The following ZNF100 variants were observed in gnomAD, a reference collection of about 807,000 sequenced individuals.
The protein encoded by ZNF100 is zinc finger protein 100 (Y1).
A neutral mutation model predicts 15.8 loss-of-function variants in ZNF100; 12 were observed. The ratio of observed to expected loss-of-function variants is 0.76; its 90% CI spans 0.49 to 1.23. The LOEUF (loss-of-function observed/expected upper bound fraction) is 1.23, where lower values mean the gene tolerates loss of function less well. Ranked by LOEUF, ZNF100 falls within the 50% of genes most tolerant of loss-of-function variation. ZNF100 has a pLI of 0.00. For missense variants in ZNF100, 670 were observed against 635.6 expected, an observed-to-expected ratio of 1.05 and a Z score of -0.58; for synonymous variants, 226 against 214.8, an observed-to-expected ratio of 1.05 and a Z score of -0.45.
At chr19:21,749,997 T>G (rs952643847) in intron 2 of ZNF100, among the ~76,000 whole-genome samples, 1 of 151,390 alleles carries the variant, frequency 6.6e-6, no homozygotes, top group African/African-American at 2.4e-5. Flanking sequence ...AAAGGAGAGC[T>G]CCCCTCATAG....
At position 21,744,838 on chromosome 19, in the gene ZNF100, T is replaced by G; in HGVS notation, c.223+103A>C. ...CTCAAGATTTTCTTGAAAAAACGGA[T>G]CAGAAACTCATTTATGCAAAGCATG... On this transcript the variant is annotated intron_variant, in intron 3 of 4. Transcript: ENST00000358296. 3 of 1,539,854 alleles carry G rather than the reference T, an allele frequency of 1.9e-6. No individual in the cohort carries two copies. In the Admixed American group the frequency reaches 6.6e-5, roughly 34 times the overall value.
rs1485287099 is a variant in ZNF100, at chr19:21,726,738, G to A, written c.1574C>T (p.Ser525Phe). 1.2e-6 allele frequency: 2 copies of A among 1,610,816 alleles called. No individual in the cohort carries two copies. The highest frequency in any genetic ancestry group is 2.2e-5 in the East Asian group (1 of 44,654). The change falls in exon 5 of 5, where the codon TCC (serine) becomes TTC (phenylalanine). Residue 525 changes from serine (S) to phenylalanine (F), a missense_variant. Coordinates refer to ENST00000358296, the MANE Select transcript of ZNF100 (RefSeq NM_173531.4). ...WEECGKDFNQ[S>F]LSLIKQNNSY... The stretch of plus-strand genomic sequence containing the variant: ...GTTATTTTGTTTAATAAGGCTTAGG[G>A]ACTGGTTAAAGTCTTTACCACATTC...
intron 2 of ZNF100, chr19:21,746,907 A>G (rs1359940257): frequency 6.6e-6 from 1 of 152,184 alleles, no homozygotes; most frequent in East Asian, 1.9e-4. Context: ...AGTAACATCT[A>G]CATCTTGAGA....
Position 21,744,021 on chromosome 19 carries a change from G to T in ZNF100, c.318C>A (p.Pro106=), listed in dbSNP as rs781657632. 25 of 1,609,850 alleles carry T rather than the reference G, an allele frequency of 1.6e-5. No individual in the cohort carries two copies. In the South Asian group the frequency reaches 2.1e-4, roughly 14 times the overall value. The change falls in exon 4 of 5, where the codon CCC becomes CCA. Residue 106 remains proline (P), a synonymous_variant. Coordinates refer to ENST00000358296, the MANE Select transcript of ZNF100 (RefSeq NM_173531.4). ...NIKRHEMVAK[P]PVICSHFPQD... ...GTTGTGTTCACTCTCACCTACCTGGGGGTTTGGCTACCATCTCATGTCTCT... is the reference window on the plus strand; with the variant it reads ...GTTGTGTTCACTCTCACCTACCTGGTGGTTTGGCTACCATCTCATGTCTCT...
At position 21,744,041 on chromosome 19, in the gene ZNF100, GTC is replaced by G; in HGVS notation, c.296_297del (p.Arg99ThrfsTer2). ...CCTGGGGGTTTGGCTACCATCTCAT[GTC>G]TCTTTATATTCCAGGGCTCTTTTCC... ...EQGKEPWNIK[R>X]HEMVAKPPVI... On this transcript the variant is annotated frameshift_variant, in exon 4 of 5. Transcript: ENST00000358296. LOFTEE classifies it low-confidence loss of function (END_TRUNC). The G allele has an allele frequency of 6.2e-7, 1 of 1,612,656 alleles. No homozygotes were observed. Among genetic ancestry groups the G allele is most frequent in the Middle Eastern group, 1.7e-4 (1 of 6,060 alleles).
intron 2 of ZNF100, among the ~76,000 whole-genome samples, chr19:21,747,676 T>C (rs1568304277): frequency 6.6e-6 from 1 of 152,178 alleles, no homozygotes; most frequent in Non-Finnish European, 1.5e-5. Flanking sequence ...CCACACTCCA[T>C]CCTGAAGTTT....
rs1339499541 is a variant in ZNF100 at position 21,724,602 on chromosome 19, T to A, written c.*2081A>T. 6.6e-6 allele frequency: 1 copy of A among 152,158 alleles called. No individual in the cohort carries two copies. The highest frequency in any genetic ancestry group is 1.5e-5 in the Non-Finnish European group (1 of 68,018). The allele number at this position is 152,158 out of a possible 1,614,324, so 9.4% of individuals were successfully genotyped here. On this transcript the variant is annotated 3_prime_UTR_variant, in exon 5 of 5. Coordinates refer to ENST00000358296, the MANE Select transcript of ZNF100 (RefSeq NM_173531.4). ...ACTAAAAGTATAAAACTGGGTTGCTTGTAATACAAAGGATAAATACTAGAG... is the reference window on the plus strand; with the variant it reads ...ACTAAAAGTATAAAACTGGGTTGCTAGTAATACAAAGGATAAATACTAGAG...
intron 2 of ZNF100, among the ~76,000 whole-genome samples, chr19:21,754,531 T>C (rs971479101): frequency 6.6e-6 from 1 of 151,954 alleles, no homozygotes; most frequent in African/African-American, 2.4e-5. Flanking sequence ...ACAAAAGCAA[T>C]GGGGAAATGA....
rs1354090281 is a variant in ZNF100 at position 21,765,790 on chromosome 19, C to T, written c.4-4G>A. 3 of 1,603,458 alleles carry T rather than the reference C, an allele frequency of 1.9e-6. No homozygotes were observed. The highest frequency in any genetic ancestry group is 1.6e-4 in the Middle Eastern group (1 of 6,082). ...ACATTCCATACCTCGGGTCATCCTA[C>T]GGGAGAAAATAAACCAGAAGCTGAC... On this transcript the variant is annotated splice_polypyrimidine_tract_variant and splice_region_variant and intron_variant, in intron 1 of 4. Transcript: ENST00000358296.
At position 21,726,711 on chromosome 19, in the gene ZNF100, G is replaced by C. The variant is rs764668993; in HGVS notation, c.1601C>G (p.Ser534Ter). Residue 534 changes from serine to a stop codon, truncating the protein, a stop_gained, in exon 5 of 5, where the codon TCA (serine) becomes TGA (stop). Coordinates refer to ENST00000358296, the MANE Select transcript of ZNF100 (RefSeq NM_173531.4). LOFTEE classifies it high-confidence loss of function. ...CATTTGTAGGGTTTCTCTCCAGTAT[G>C]AGTTATTTTGTTTAATAAGGCTTAG... ...QSLSLIKQNN[S>*]YWRETLQM The C allele has an allele frequency of 1.9e-6, 3 of 1,609,850 alleles. No individual in the cohort carries two copies. Among genetic ancestry groups the C allele is most frequent in the South Asian group, 1.1e-5 (1 of 90,398 alleles).
intron 2 of ZNF100, among the ~76,000 whole-genome samples, chr19:21,749,154 G>A (rs2036260871): frequency 6.6e-6 from 1 of 152,084 alleles, no homozygotes; most frequent in South Asian, 2.1e-4. Flanking sequence ...TTTTTTGAAT[G>A]ACCTTATGAA....
intron 4 of ZNF100, among the ~76,000 whole-genome samples, chr19:21,731,302 C>CTTTTTTTT (rs1052854047): frequency 3.6e-5 from 5 of 139,616 alleles, no homozygotes; most frequent in South Asian, 2.4e-4. Context: ...TTTTTCTTTC[C>CTTTTTTTT]TTTTTTTTTT....
intron 4 of ZNF100, among the ~76,000 whole-genome samples, chr19:21,743,656 CAT>C (rs1297562085): frequency 1.3e-5 from 2 of 151,994 alleles, no homozygotes; most frequent in Admixed American, 1.3e-4. Flanking sequence ...AATAGTTTAA[CAT>C]AGAGTTTCCC....
chr19:21,725,776 TTA>T lies in ZNF100; in HGVS notation c.*905_*906del, dbSNP rs2035769763. On this transcript the variant is annotated 3_prime_UTR_variant, in exon 5 of 5. Transcript: ENST00000358296. The stretch of plus-strand genomic sequence containing the variant: ...TACAAATATTTTACCAATTTTAGTT[TTA>T]GATTATTTTCTATACTCAGCACTCT... 1 of 151,996 alleles carries T rather than the reference TTA, an allele frequency of 6.6e-6. No homozygotes were observed. Among genetic ancestry groups the T allele is most frequent in the Non-Finnish European group, 1.5e-5 (1 of 67,998 alleles). 9.4% of individuals were successfully genotyped at this position (151,996 alleles called of 1,614,324 possible).
chr19:21,728,170 T>C (rs1382692548), intron 4 of ZNF100, among the ~76,000 whole-genome samples, 181 bp from the exon 5 acceptor site: 3 of 147,628 alleles, frequency 2.0e-5, no homozygotes, highest in African/African-American at 7.4e-5. Context: ...CTGAAAAAAA[T>C]TATAAATGAG....
In ZNF100 at chr19:21,765,759, G is replaced by A. The variant is rs1334382986; in HGVS notation, c.31C>T (p.Leu11Phe). Reference sequence around the variant, plus strand: ...CCAGGGCATCCACTTGCTCCCTTGAGAGGACACATTCCATACCTCGGGTCA... The same window carrying A: ...CCAGGGCATCCACTTGCTCCCTTGAAAGGACACATTCCATACCTCGGGTCA... MDDPRYGMCP[L>F]KGASGCPGAE... Residue 11 changes from leucine to phenylalanine, a missense_variant, in exon 2 of 5, where the codon CTC (leucine) becomes TTC (phenylalanine). Leu to Phe is a conservative substitution (Grantham distance 22, BLOSUM62 0). Coordinates refer to ENST00000358296, the MANE Select transcript of ZNF100 (RefSeq NM_173531.4). The A allele has an allele frequency of 6.2e-6, 10 of 1,614,078 alleles. No individual in the cohort carries two copies. The highest frequency in any genetic ancestry group is 7.6e-6 in the Non-Finnish European group (9 of 1,180,050).
intron 2 of ZNF100, among the ~76,000 whole-genome samples, chr19:21,762,024 C>G (rs2036491650): frequency 6.6e-6 from 1 of 152,086 alleles, no homozygotes; most frequent in South Asian, 2.1e-4. Context: ...AGTGAAAATA[C>G]AAAATCAGCT....
In ZNF100 at chr19:21,726,837, T is replaced by C; in HGVS notation, c.1475A>G (p.Lys492Arg). Residue 492 changes from lysine (K) to arginine (R), a missense_variant, in exon 5 of 5, where the codon AAA becomes AGA. By Grantham distance (26) the Lys-to-Arg change is conservative. Coordinates refer to ENST00000358296, the MANE Select transcript of ZNF100 (RefSeq NM_173531.4). ...EKPYKCEECG[K>R]AFNRSSTLTK... is the part of the protein sequence containing the mutation. ...AAGGGTTGAGGATCGGTTAAAAGCT[T>C]TGCCACATTCCTCACATTTGTAGGG... 6.2e-7 allele frequency: 1 copy of C among 1,613,592 alleles called. No individual in the cohort carries two copies. The highest frequency in any genetic ancestry group is 8.5e-7 in the Non-Finnish European group (1 of 1,179,822).
intron 4 of ZNF100, among the ~76,000 whole-genome samples, chr19:21,730,252 A>C (rs2035888547): frequency 6.6e-6 from 1 of 152,116 alleles, no homozygotes; most frequent in Non-Finnish European, 1.5e-5. Context: ...TTAAAAAAAA[A>C]CTGAAAGTGG....
Sources: allele counts gnomAD v4.1 joint callset (sites outside exome capture counted in the v4.1 genomes callset), GRCh38; gene constraint gnomAD v4.1.1; transcripts MANE v1.5; gene names NCBI Gene and HGNC (gene_info 2026-07-23, HGNC 2026-07-21).